The following ECM1 variants were observed in gnomAD, a reference collection of about 807,000 sequenced individuals.
ECM1 encodes secretory component p85.
A neutral mutation model predicts 57.9 loss-of-function variants in ECM1; 54 were observed. The ratio of observed to expected loss-of-function variants is 0.93; its 90% CI spans 0.75 to 1.17. The LOEUF is 1.17. Ranked by LOEUF, ECM1 falls within the 50% of genes most tolerant of loss-of-function variation. ECM1 has a pLI of 0.00. For missense variants in ECM1, 649 were observed against 688.1 expected, an observed-to-expected ratio of 0.94 and a Z score of 0.64; for synonymous variants, 237 against 259.1, an observed-to-expected ratio of 0.91 and a Z score of 0.82.
At position 150,512,203 on chromosome 1, in the gene ECM1, C is replaced by T. The variant is rs763678043; in HGVS notation, c.1084-149C>T. ...CCCAAGCCCACACATCAACAGTTGCCTCCTAACCCTCTACTTTTTTGCCAT... is the reference window on the plus strand; with the variant it reads ...CCCAAGCCCACACATCAACAGTTGCTTCCTAACCCTCTACTTTTTTGCCAT... On this transcript the variant is annotated intron_variant, in intron 7 of 9. Transcript: ENST00000369047. 1.5e-4 allele frequency: 132 copies of T among 887,246 alleles called. 1 individual carries two copies. In the East Asian group the frequency reaches 3.1e-3, roughly 21 times the overall value. 55.0% of individuals were successfully genotyped at this position (887,246 alleles called of 1,614,324 possible). A position where few individuals can be genotyped will look rare whatever the true frequency, so the allele number is the denominator to read the frequency against.
chr1:150,511,429 G>A (rs1306633001), intron 6 of ECM1, 28 bp from the exon 7 acceptor site: 1 of 1,614,024 alleles, frequency 6.2e-7, no homozygotes, highest in Non-Finnish European at 8.5e-7. Flanking sequence ...AATGTGGAAA[G>A]TGGGCTGATC....
chr1:150,510,994 C>A lies in ECM1; in HGVS notation c.504C>A (p.Pro168=), dbSNP rs1670421709. The stretch of plus-strand genomic sequence containing the variant: ...GGGGCCACCGGCTGGATGGCTTCCC[C>A]CCTGGGCGGCCTTCTCCAGACAATC... ...GGWGHRLDGF[P]PGRPSPDNLN... Residue 168 remains proline (P), a synonymous_variant, in exon 6 of 10, where the codon CCC becomes CCA. Transcript: ENST00000369047. The A allele has an allele frequency of 6.2e-7, 1 of 1,614,186 alleles. No individual in the cohort carries two copies.
At position 150,509,754 on chromosome 1, in the gene ECM1, A is replaced by G. The variant is rs1208771725; in HGVS notation, c.215A>G (p.Gln72Arg). Residue 72 changes from glutamine to arginine, a missense_variant, in exon 3 of 10, where the codon CAG (glutamine) becomes CGG (arginine). Transcript: ENST00000369047. ...CAGCATGGCCCTCCCTTTGAGGGAC[A>G]GAGTCAAGGTAAGGTCACCATCCCA... Reference protein sequence around the residue: ...SSQHGPPFEGQSQVQPPPSQE... With the variant: ...SSQHGPPFEGRSQVQPPPSQE... 6.2e-7 allele frequency: 1 copy of G among 1,609,370 alleles called. No homozygotes were observed.
intron 6 of ECM1, 46 bp downstream of exon 6, chr1:150,511,244 C>G: frequency 1.2e-6 from 2 of 1,608,826 alleles, no homozygotes; most frequent in Non-Finnish European, 1.7e-6. Flanking sequence ...TAACCCCAGA[C>G]AGTATGTGTG....
At chr1:150,510,070 T>C (rs1279750736) in intron 4 of ECM1, 32 bp from the exon 5 acceptor site, 2 of 1,613,582 alleles carry the variant, frequency 1.2e-6, no homozygotes, top group African/African-American at 1.3e-5. Context: ...GGCTGATCCC[T>C]GCTCCTTGGT....
intron 1 of ECM1, among the ~76,000 whole-genome samples, chr1:150,508,599 G>T (rs909282213): frequency 2.6e-5 from 4 of 152,050 alleles, no homozygotes; most frequent in Admixed American, 2.6e-4. Context: ...GGTGGGAGAG[G>T]CAAGGGAGGG....
chr1:150,511,830 CCG>C lies in ECM1; in HGVS notation c.1083_1083+1del. The stretch of plus-strand genomic sequence containing the variant: ...AACAATCACACCTGTACATGGAAGG[CCG>C]TAAGTGGGCGTCCCAGCCTCCCTGA... On this transcript the variant is annotated splice_donor_variant and coding_sequence_variant, in exon 7 of 10. Coordinates refer to ENST00000369047, the MANE Select transcript of ECM1 (RefSeq NM_004425.4). LOFTEE classifies it high-confidence loss of function. 1 of 1,599,840 alleles carries C rather than the reference CCG, an allele frequency of 6.3e-7. No homozygotes were observed. The highest frequency in any genetic ancestry group is 1.7e-4 in the Middle Eastern group (1 of 5,886).
chr1:150,513,139 G>C (rs1403932525), intron 9 of ECM1, 98 bp from the exon 10 acceptor site: 11 of 1,269,474 alleles, frequency 8.7e-6, no homozygotes, highest in Non-Finnish European at 1.3e-5. Flanking sequence ...GAGAGCAGTA[G>C]AAGCTGATGA....
Position 150,512,169 on chromosome 1 carries a change from G to T in ECM1, c.1084-183G>T, listed in dbSNP as rs12064628. 3.6e-3 allele frequency among the ~76,000 whole-genome samples: 529 copies of T among 148,774 alleles called. 3 individuals carry two copies. The highest frequency in any genetic ancestry group is 6.3e-3 in the Non-Finnish European group (427 of 67,480). Reference sequence around the variant, plus strand: ...TGGAACCTCATCCAGGCTTCCACCCGTCCACCTTCCCAAGCCCACACATCA... The same window carrying T: ...TGGAACCTCATCCAGGCTTCCACCCTTCCACCTTCCCAAGCCCACACATCA... On this transcript the variant is annotated intron_variant, in intron 7 of 9. Coordinates refer to ENST00000369047, the MANE Select transcript of ECM1 (RefSeq NM_004425.4).
chr1:150,510,155 C>T lies in ECM1; in HGVS notation c.358C>T (p.Leu120Phe). 6.2e-7 allele frequency: 1 copy of T among 1,614,128 alleles called. No individual in the cohort carries two copies. Among genetic ancestry groups the T allele is most frequent in the Non-Finnish European group, 8.5e-7 (1 of 1,179,980 alleles). The change falls in exon 5 of 10, where the codon CTC becomes TTC. Residue 120 changes from leucine (L) to phenylalanine (F), a missense_variant. Coordinates refer to ENST00000369047, the MANE Select transcript of ECM1 (RefSeq NM_004425.4). ...CCCCCTCCAAAAAGAGCTGCCCTCT[C>T]TCCAGCACCCCAATGAACAGAAGGA... ...AVPLQKELPS[L>F]QHPNEQKEGT...
Position 150,511,599 on chromosome 1 carries a change from G to A in ECM1, c.851G>A (p.Cys284Tyr), listed in dbSNP as rs1404663587. The change falls in exon 7 of 10, where the codon TGC becomes TAC. Residue 284 changes from cysteine to tyrosine, a missense_variant. By Grantham distance (194) the Cys-to-Tyr change is radical. Transcript: ENST00000369047. ...CAGCCACACTACCAGCTCCGGGCCT[G>A]CCCCAGCCATCAGCCTGATATTTCC... The part of the protein sequence containing the change: ...APQPHYQLRA[C>Y]PSHQPDISSG... 6.2e-7 allele frequency: 1 copy of A among 1,614,040 alleles called. No homozygotes were observed. The highest frequency in any genetic ancestry group is 8.5e-7 in the Non-Finnish European group (1 of 1,180,024).
Position 150,508,252 on chromosome 1 carries a change from G to A in ECM1, c.43G>A (p.Ala15Thr). The A allele has an allele frequency of 6.2e-7, 1 of 1,614,046 alleles. No homozygotes were observed. The highest frequency in any genetic ancestry group is 8.5e-7 in the Non-Finnish European group (1 of 1,180,034). ...ARAALVLTYL[A>T]VASAASEGGF... ...AGCAGCCTTGGTCTTGACCTATTTG[G>A]CTGTTGCTTCTGCTGCCTCTGAGGG... The change falls in exon 1 of 10, where the codon GCT (alanine) becomes ACT (threonine). Residue 15 changes from alanine (A) to threonine (T), a missense_variant. Physicochemically the swap from Ala to Thr is moderately conservative, Grantham distance 58. Coordinates refer to ENST00000369047, the MANE Select transcript of ECM1 (RefSeq NM_004425.4).
chr1:150,510,263 G>T, intron 5 of ECM1, 81 bp downstream of exon 5: 1 of 1,310,044 alleles, frequency 7.6e-7, no homozygotes. Flanking sequence ...AGACAAGACG[G>T]TGGGCTCTGC....
intron 5 of ECM1, 55 bp from the exon 6 acceptor site, chr1:150,510,821 A>G (rs1670416976): frequency 6.3e-7 from 1 of 1,579,864 alleles, no homozygotes; most frequent in Non-Finnish European, 8.7e-7. Context: ...CAGCTCATCC[A>G]GCCTTTGTGG....
At chr1:150,508,378 T>A in intron 1 of ECM1, 99 bp downstream of exon 1, 2 of 1,209,178 alleles carry the variant, frequency 1.7e-6, no homozygotes. Flanking sequence ...AGAGTGATTC[T>A]CCGTTTGGCT....
chr1:150,511,121 A>T lies in ECM1; in HGVS notation c.631A>T (p.Asn211Tyr), dbSNP rs756278979. 6.2e-7 allele frequency: 1 copy of T among 1,614,128 alleles called. No homozygotes were observed. The highest frequency in any genetic ancestry group is 8.5e-7 in the Non-Finnish European group (1 of 1,180,016). ...CCTCACTCGCCAGGGTGAGACCCTC[A>T]ATTTCCTGGAGATTGGATATTCCCG... ...SHLTRQGETL[N>Y]FLEIGYSRCC... is the part of the protein sequence containing the mutation. The change falls in exon 6 of 10, where the codon AAT becomes TAT. Residue 211 changes from asparagine (N) to tyrosine (Y), a missense_variant. Asn to Tyr is a moderately radical substitution (Grantham distance 143). Coordinates refer to ENST00000369047, the MANE Select transcript of ECM1 (RefSeq NM_004425.4).
rs1670384220 is a variant in ECM1 at position 150,509,767 on chromosome 1, G to C, written c.223+5G>C. 1 of 1,605,698 alleles carries C rather than the reference G, an allele frequency of 6.2e-7. No individual in the cohort carries two copies. The highest frequency in any genetic ancestry group is 8.5e-7 in the Non-Finnish European group (1 of 1,175,120). ...CCTTTGAGGGACAGAGTCAAGGTAA[G>C]GTCACCATCCCATGCCCTCCTCAGT... On this transcript the variant is annotated splice_donor_5th_base_variant and intron_variant, in intron 3 of 9. Transcript: ENST00000369047.
chr1:150,512,687 C>T, intron 8 of ECM1, 38 bp from the exon 9 acceptor site: 1 of 1,612,328 alleles, frequency 6.2e-7, no homozygotes, highest in Non-Finnish European at 8.5e-7. Context: ...AGAAGATGCC[C>T]AAAGACCCTA....
At chr1:150,508,932 T>A (rs1670352031) in intron 1 of ECM1, among the ~76,000 whole-genome samples, 1 of 152,150 alleles carries the variant, frequency 6.6e-6, no homozygotes, top group South Asian at 2.1e-4. Context: ...GTCTTTTGTG[T>A]CTGCAGATCA....
Sources: allele counts gnomAD v4.1 joint callset (sites outside exome capture counted in the v4.1 genomes callset), GRCh38; gene constraint gnomAD v4.1.1; transcripts MANE v1.5; gene names NCBI Gene and HGNC (gene_info 2026-07-23, HGNC 2026-07-21).